Variants in SERGEF observed in about 807,000 individuals in gnomAD.
SERGEF encodes secretion-regulating guanine nucleotide exchange factor.
Under a neutral mutation model 50.0 loss-of-function variants are expected in SERGEF, and 51 were observed. The ratio of observed to expected loss-of-function variants is 1.02; its 90% CI spans 0.81 to 1.29. The LOEUF (loss-of-function observed/expected upper bound fraction) is 1.29. Among genes scored for constraint, SERGEF ranks in the 50% most tolerant of loss-of-function variants. The pLI, the probability that SERGEF is intolerant of heterozygous loss-of-function variation, is 0.00. For synonymous variants in SERGEF, 205 were observed against 212.4 expected (o/e 0.97, Z 0.30); for missense variants, 521 against 557.0 (o/e 0.94, Z 0.65).
At chr11:17,934,536 A>C (rs1298685698) in intron 9 of SERGEF, among the ~76,000 whole-genome samples, 1 of 152,190 alleles carries the variant, frequency 6.6e-6, no homozygotes, top group Non-Finnish European at 1.5e-5. Flanking sequence ...CATTACTTCC[A>C]CTATTAACTT....
chr11:17,930,331 C>T (rs1489236973), intron 9 of SERGEF, among the ~76,000 whole-genome samples: 2 of 152,192 alleles, frequency 1.3e-5, no homozygotes, highest in South Asian at 4.1e-4. Context: ...GGCCCCAATT[C>T]TATCAGAACT....
chr11:17,859,869 T>C (rs1850895281), intron 10 of SERGEF, among the ~76,000 whole-genome samples: 1 of 152,206 alleles, frequency 6.6e-6, no homozygotes, highest in African/African-American at 2.4e-5. Context: ...AGTAAGTATA[T>C]TTTCAGAATT....
At chr11:17,817,039 C>T (rs1373435751) in intron 10 of SERGEF, among the ~76,000 whole-genome samples, 2 of 152,166 alleles carry the variant, frequency 1.3e-5, no homozygotes, top group Non-Finnish European at 2.9e-5. Context: ...CCAGAGATCT[C>T]TCCTCTCCTC....
intron 9 of SERGEF, among the ~76,000 whole-genome samples, chr11:17,896,760 G>GGAAGGGAAGGAT (rs1555008998): frequency 1.7e-5 from 1 of 60,042 alleles, no homozygotes. Context: ...AAGGGTAAGG[G>GGAAGGGAAGGAT]AAGGGAAGGG....
At chr11:17,852,490 C>G (rs1850732131) in intron 10 of SERGEF, among the ~76,000 whole-genome samples, 1 of 152,190 alleles carries the variant, frequency 6.6e-6, no homozygotes, top group Non-Finnish European at 1.5e-5. Context: ...ATCTGCTACA[C>G]ACCACCCCAC....
At chr11:17,869,509 G>A (rs1257925346) in intron 10 of SERGEF, among the ~76,000 whole-genome samples, 1 of 152,186 alleles carries the variant, frequency 6.6e-6, no homozygotes, top group Non-Finnish European at 1.5e-5. Flanking sequence ...CAAGGTACCA[G>A]CTGATCTGAT....
chr11:18,005,825 C>G (rs1177454488), intron 3 of SERGEF, among the ~76,000 whole-genome samples: 3 of 152,104 alleles, frequency 2.0e-5, no homozygotes, highest in Non-Finnish European at 4.4e-5. Flanking sequence ...CCAAACAGAT[C>G]TGCCTAACAC....
In SERGEF at chr11:17,901,654, C is replaced by T. The variant is rs868239174; in HGVS notation, c.1012-23410G>A. ...TCCTTCTGTCAAAACACTGCCCATC[C>T]TTCACACTCAGCGGAATCCAACTTC... On this transcript the variant is annotated intron_variant, in intron 9 of 10. Transcript: ENST00000265965. 3.3e-5 allele frequency among the ~76,000 whole-genome samples: 5 copies of T among 152,340 alleles called. No homozygotes were observed. The South Asian group carries it at 8.3e-4, about 25-fold the overall frequency.
chr11:18,007,389 T>C (rs941577089), intron 2 of SERGEF, among the ~76,000 whole-genome samples: 8 of 152,204 alleles, frequency 5.3e-5, no homozygotes, highest in Non-Finnish European at 1.2e-4. Context: ...ATTCAGAAAC[T>C]GTGGCTATTT....
chr11:17,886,908 C>T (rs929680917), intron 9 of SERGEF, among the ~76,000 whole-genome samples: 1 of 152,160 alleles, frequency 6.6e-6, no homozygotes, highest in African/African-American at 2.4e-5. Flanking sequence ...GGATGGACAC[C>T]TGTCTCAATG....
chr11:17,946,387 T>C (rs147449104), intron 9 of SERGEF, among the ~76,000 whole-genome samples: 211 of 152,242 alleles, frequency 1.4e-3, no homozygotes, highest in African/African-American at 4.9e-3. Context: ...GCCTAGAAAG[T>C]GCTTAGGAGA....
At chr11:17,890,026 CAAAAAAAAAAAAA>C (rs59805347) in intron 9 of SERGEF, among the ~76,000 whole-genome samples, 1 of 73,946 alleles carries the variant, frequency 1.4e-5, no homozygotes, top group Non-Finnish European at 2.8e-5. Context: ...ACACTTCAAC[CAAAAAAAAAAAAA>C]AAAAAAAAAG....
chr11:17,788,256 C>A lies in SERGEF; in HGVS notation c.1206G>T (p.Leu402=), dbSNP rs1367587268. The A allele has an allele frequency of 6.2e-7, 1 of 1,614,000 alleles. No homozygotes were observed. Among genetic ancestry groups the A allele is most frequent in the Non-Finnish European group, 8.5e-7 (1 of 1,179,986 alleles). Residue 402 remains leucine, a synonymous_variant, in exon 11 of 11, where the codon CTG becomes CTT. Coordinates refer to ENST00000265965, the MANE Select transcript of SERGEF (RefSeq NM_012139.4). ...GAGHSLALCQ[L]PAHPALVQDP... is the part of the protein sequence containing the mutation. ...CCTGGACCAATGCAGGGTGAGCTGG[C>A]AGCTGGCAGAGGGCCAAGGAGTGGC...
At chr11:17,911,811 A>T (rs142124608) in intron 9 of SERGEF, among the ~76,000 whole-genome samples, 1 of 152,254 alleles carries the variant, frequency 6.6e-6, no homozygotes, top group East Asian at 1.9e-4. Context: ...TCTTTACCAC[A>T]ATCAAGATGA....
intron 8 of SERGEF, among the ~76,000 whole-genome samples, chr11:17,978,181 C>A (rs1257696611): frequency 6.6e-6 from 1 of 152,142 alleles, no homozygotes. Flanking sequence ...AGCAGTATTA[C>A]CCTCAGGCTG....
chr11:18,002,911 G>T (rs1032403151), intron 4 of SERGEF, among the ~76,000 whole-genome samples: 2 of 152,114 alleles, frequency 1.3e-5, no homozygotes, highest in African/African-American at 4.8e-5. Context: ...TTTACTCTCT[G>T]ATTCTGTCAA....
intron 10 of SERGEF, among the ~76,000 whole-genome samples, chr11:17,789,409 T>C: frequency 6.6e-6 from 1 of 152,212 alleles, no homozygotes; most frequent in Non-Finnish European, 1.5e-5. Flanking sequence ...GCTCAACAGG[T>C]GTTTACTGAA....
intron 10 of SERGEF, among the ~76,000 whole-genome samples, chr11:17,809,661 C>T (rs972937409): frequency 3.3e-5 from 5 of 151,982 alleles, no homozygotes; most frequent in Non-Finnish European, 4.4e-5. Context: ...GGCAGTGGGA[C>T]GCAGAAGAGG....
chr11:17,788,399 A>G lies in SERGEF; in HGVS notation c.1063T>C (p.Ser355Pro). The change falls in exon 11 of 11, where the codon TCT (serine) becomes CCT (proline). Residue 355 changes from serine (S) to proline (P), a missense_variant. Coordinates refer to ENST00000265965, the MANE Select transcript of SERGEF (RefSeq NM_012139.4). ...ATGCCATGCTCATTCCAGCCCCAAG[A>G]GTAACACACTCCACCTGTGAAGGAG... ...NLAIIGGVCY[S>P]WGWNEHGMCG... The G allele has an allele frequency of 1.2e-6, 2 of 1,606,590 alleles. No homozygotes were observed. The highest frequency in any genetic ancestry group is 2.2e-5 in the South Asian group (2 of 90,626).
Sources: gnomAD v4.1 joint callset for allele counts (sites outside exome capture counted in the v4.1 genomes callset) on GRCh38, gnomAD v4.1.1 for gene constraint, MANE v1.5 for transcripts, NCBI Gene and HGNC (gene_info 2026-07-23, HGNC 2026-07-21) for gene names.